Variants in RIN2 observed in about 807,000 individuals in gnomAD.
RIN2 encodes RAB5 interacting protein 2.
RIN2 carries 36 observed loss-of-function variants against 78.0 expected under a neutral mutation model. The ratio of observed to expected loss-of-function variants is 0.46; its 90% confidence interval spans 0.35 to 0.61. The LOEUF is 0.61. RIN2 is among the 20% of genes least tolerant of loss of function. The probability of loss-of-function intolerance (pLI) is 0.00; values close to 1 mark genes in which losing one functional copy is unlikely to be tolerated. For synonymous variants in RIN2, 466 were observed against 466.8 expected, an observed-to-expected ratio of 1.00 and a Z score of 0.02; for missense variants, 1,087 against 1,159.7, an observed-to-expected ratio of 0.94 and a Z score of 0.91.
intron 1 of RIN2, among the ~76,000 whole-genome samples, chr20:19,786,678 T>G (rs1002696967): frequency 1.3e-5 from 2 of 152,240 alleles, no homozygotes; most frequent in African/African-American, 4.8e-5. Flanking sequence ...ATAATGAGGA[T>G]GCATGAAGCG....
intron 2 of RIN2, among the ~76,000 whole-genome samples, chr20:19,838,091 CAT>C (rs1282116732): frequency 1.3e-5 from 2 of 152,154 alleles, no homozygotes; most frequent in Non-Finnish European, 2.9e-5. Context: ...AAAACAAAAA[CAT>C]ATCTTCTCTC....
At chr20:19,912,624 G>A (rs1041329968) in intron 3 of RIN2, among the ~76,000 whole-genome samples, 3 of 151,748 alleles carry the variant, frequency 2.0e-5, no homozygotes, top group South Asian at 2.1e-4. Context: ...GATTACAGGC[G>A]CCTGCCACCA....
Position 19,975,719 on chromosome 20 carries a change from A to T in RIN2, c.1694A>T (p.Lys565Met). 2 of 1,613,588 alleles carry T rather than the reference A, an allele frequency of 1.2e-6. No homozygotes were observed. Among genetic ancestry groups the T allele is most frequent in the Non-Finnish European group, 1.7e-6 (2 of 1,179,852 alleles). Residue 565 changes from lysine (K) to methionine (M), a missense_variant, in exon 9 of 13, where the codon AAG (lysine) becomes ATG (methionine). Lys to Met is a moderately conservative substitution (Grantham distance 95). This residue lies in a region of RIN2 where 39 missense variants were observed against 34.9 expected (regional missense o/e 1.12). Transcript: ENST00000255006. The surrounding 1 kb of genome is among the most constrained non-coding windows in gnomAD (Gnocchi z 4.9). ...ATCCGGCAGTTCATGACCCAGGTCA[A>T]GAACTATTTGTCTCAGAGCTCGGAG... ...QTIRQFMTQV[K>M]NYLSQSSELD... is the part of the protein sequence containing the mutation.
intron 3 of RIN2, among the ~76,000 whole-genome samples, chr20:19,905,472 T>C (rs1442495572): frequency 6.6e-6 from 1 of 152,168 alleles, no homozygotes; most frequent in Non-Finnish European, 1.5e-5. Flanking sequence ...CCTGTAATCC[T>C]AACTCTGTGG....
At position 19,865,335 on chromosome 20, in the gene RIN2, A is replaced by G. The variant is rs563200256; in HGVS notation, c.-36-24231A>G. Among the ~76,000 whole-genome samples, 4 of 152,308 alleles carry G rather than the reference A, an allele frequency of 2.6e-5. No individual in the cohort carries two copies. The South Asian group carries it at 8.3e-4, about 32-fold the overall frequency. On this transcript the variant is annotated intron_variant, in intron 2 of 12. Coordinates refer to ENST00000255006, the MANE Select transcript of RIN2 (RefSeq NM_018993.4). ...AGGAGGTACACTCAGGCCACTGGGT[A>G]AATGCCTCTGAAGAGCCAGAAAGAT...
intron 2 of RIN2, among the ~76,000 whole-genome samples, chr20:19,859,629 C>T (rs1455283641): frequency 1.3e-5 from 2 of 152,198 alleles, no homozygotes; most frequent in Admixed American, 6.5e-5. Flanking sequence ...ACAGTAGCTA[C>T]CATGTGCATG....
chr20:19,965,825 T>C (rs1293582253), intron 7 of RIN2, among the ~76,000 whole-genome samples: 1 of 152,190 alleles, frequency 6.6e-6, no homozygotes, highest in East Asian at 1.9e-4. Flanking sequence ...TTGACCAGGC[T>C]GGTCTTGAAC....
In RIN2 at chr20:19,992,080, C is replaced by T. The variant is rs556225001; in HGVS notation, c.2069-88C>T. ...TAGCACAGTTCCCCCCAGAGTGACT[C>T]CTTGCTGTCTAATAAAAGCAGCAAG... On this transcript the variant is annotated intron_variant, in intron 10 of 12. Transcript: ENST00000255006. The T allele has an allele frequency of 1.1e-4, 159 of 1,461,406 alleles. 2 individuals are homozygous for T. The South Asian group carries it at 1.9e-3, about 17-fold the overall frequency. The allele number at this position is 1,461,406 out of a possible 1,614,324, so 90.5% of individuals were successfully genotyped here.
chr20:19,941,995 C>T (rs554715910), intron 4 of RIN2, among the ~76,000 whole-genome samples: 3 of 151,782 alleles, frequency 2.0e-5, no homozygotes, highest in East Asian at 1.9e-4. Context: ...TGCCTGTAAT[C>T]CCAGCTACTC....
intron 1 of RIN2, among the ~76,000 whole-genome samples, chr20:19,798,195 G>T (rs985095393): frequency 1.3e-5 from 2 of 152,098 alleles, no homozygotes; most frequent in Non-Finnish European, 2.9e-5. Flanking sequence ...TATAATAAAT[G>T]CTATTACAAT....
At chr20:19,886,612 C>CTTTTTTTTTT (rs11362637) in intron 2 of RIN2, 105 of 520,944 alleles carry the variant, frequency 2.0e-4, no homozygotes, top group South Asian at 5.9e-4. Flanking sequence ...TCTTCTTCTT[C>CTTTTTTTTTT]TTTTTTTTTT....
intron 2 of RIN2, among the ~76,000 whole-genome samples, chr20:19,862,797 G>A (rs796944809): frequency 6.6e-5 from 10 of 152,304 alleles, no homozygotes; most frequent in African/African-American, 2.4e-4. Context: ...TCATCTTGGT[G>A]TTCCCAGTGC....
At chr20:19,795,067 CAGGCACTTTGCTG>C (rs1169022887) in intron 1 of RIN2, among the ~76,000 whole-genome samples, 6 of 152,200 alleles carry the variant, frequency 3.9e-5, no homozygotes, top group African/African-American at 1.4e-4. Context: ...ATTTAAAACA[CAGGCACTTTGCTG>C]AGGAAATGCT....
At chr20:19,964,773 T>C (rs1013490911) in intron 6 of RIN2, among the ~76,000 whole-genome samples, 179 bp from the exon 7 acceptor site, 4 of 152,198 alleles carry the variant, frequency 2.6e-5, no homozygotes, top group African/African-American at 9.7e-5. Context: ...TTCCAGATCA[T>C]CGACTGTTTA....
chr20:19,977,499 T>C (rs1354409047), intron 9 of RIN2, among the ~76,000 whole-genome samples: 1 of 152,206 alleles, frequency 6.6e-6, no homozygotes, highest in Non-Finnish European at 1.5e-5. Context: ...CCCGGCAGCC[T>C]GTCCAAGCTA....
chr20:19,851,139 C>T (rs2036969110), intron 2 of RIN2, among the ~76,000 whole-genome samples: 1 of 152,100 alleles, frequency 6.6e-6, no homozygotes, highest in Admixed American at 6.6e-5. Flanking sequence ...ATTTGCCTAA[C>T]CTGCAGTCTG....
At chr20:19,858,506 G>T (rs2037234477) in intron 2 of RIN2, among the ~76,000 whole-genome samples, 1 of 152,152 alleles carries the variant, frequency 6.6e-6, no homozygotes, top group Admixed American at 6.5e-5. Flanking sequence ...CAAATTTTAT[G>T]AAATCAACCT....
At chr20:19,839,687 C>T (rs921428682) in intron 2 of RIN2, among the ~76,000 whole-genome samples, 1 of 152,150 alleles carries the variant, frequency 6.6e-6, no homozygotes, top group African/African-American at 2.4e-5. Context: ...TTTCTTCTTG[C>T]ACCTTTGCAA....
At chr20:19,932,695 C>T (rs531743346) in intron 3 of RIN2, among the ~76,000 whole-genome samples, 76 of 152,274 alleles carry the variant, frequency 5.0e-4, no homozygotes, top group Non-Finnish European at 8.2e-4. Flanking sequence ...CGACCTCTCT[C>T]CTTAGATAAT....
Sources: gnomAD v4.1 joint callset for allele counts (sites outside exome capture counted in the v4.1 genomes callset) on GRCh38, gnomAD v4.1.1 for gene constraint, gnomAD v4.1.1 regional missense constraint, Gnocchi (gnomAD v3.1) non-coding constraint, MANE v1.5 for transcripts, NCBI Gene and HGNC (gene_info 2026-07-23, HGNC 2026-07-21) for gene names.